Variants in AUTS2 observed in about 807,000 individuals in gnomAD.
The protein encoded by AUTS2 is autism susceptibility gene 2 protein.
A neutral mutation model predicts 112.4 loss-of-function variants in AUTS2; 17 were observed. The ratio of observed to expected loss-of-function variants is 0.15; its 90% CI spans 0.10 to 0.23. The LOEUF is 0.23. Among genes scored for constraint, AUTS2 ranks in the 10% least tolerant of loss-of-function variants. The probability of loss-of-function intolerance (pLI) is 1.00; values close to 1 mark genes in which losing one functional copy is unlikely to be tolerated. For synonymous variants in AUTS2, 751 were observed against 702.7 expected (o/e 1.07, Z -1.09); for missense variants, 1,510 against 1,701.6 (o/e 0.89, Z 1.98).
intron 2 of AUTS2, among the ~76,000 whole-genome samples, chr7:70,064,196 A>C (rs190414481): frequency 2.6e-4 from 39 of 152,256 alleles, no homozygotes; most frequent in African/African-American, 9.4e-4. Flanking sequence ...GCTCGTGTAC[A>C]CCATGCTGAT....
chr7:70,329,093 A>T (rs536177758), intron 4 of AUTS2, among the ~76,000 whole-genome samples: 1 of 152,120 alleles, frequency 6.6e-6, no homozygotes, highest in South Asian at 2.1e-4. Flanking sequence ...TCAGCCATGT[A>T]TGTGTGTATA....
intron 4 of AUTS2, among the ~76,000 whole-genome samples, chr7:70,295,856 G>A (rs1027431867): frequency 3.3e-5 from 5 of 152,150 alleles, no homozygotes; most frequent in Non-Finnish European, 7.4e-5. Context: ...TCATAGTATA[G>A]ATTTGAAGAG....
At chr7:70,550,636 G>C (rs1015198873) in intron 5 of AUTS2, among the ~76,000 whole-genome samples, 2 of 152,158 alleles carry the variant, frequency 1.3e-5, no homozygotes, top group African/African-American at 4.8e-5. Flanking sequence ...GGAATTTACA[G>C]ATAAACTAGG....
intron 5 of AUTS2, among the ~76,000 whole-genome samples, chr7:70,488,207 C>T (rs1798092234): frequency 6.6e-6 from 1 of 152,194 alleles, no homozygotes; most frequent in South Asian, 2.1e-4. Flanking sequence ...CATAAGCCCT[C>T]GTGCCCGGCG....
At chr7:70,733,506 A>C (rs1585592489) in intron 6 of AUTS2, among the ~76,000 whole-genome samples, 1 of 151,636 alleles carries the variant, frequency 6.6e-6, no homozygotes, top group African/African-American at 2.4e-5. Flanking sequence ...CTTTATTCCC[A>C]CCTCTTCCAC....
At chr7:69,938,557 G>A (rs751371182) in intron 2 of AUTS2, among the ~76,000 whole-genome samples, 1 of 152,166 alleles carries the variant, frequency 6.6e-6, no homozygotes, top group African/African-American at 2.4e-5. Context: ...ACCTTGCCCT[G>A]AACCCAAAAC....
chr7:70,641,444 C>T (rs1245648692), intron 5 of AUTS2, among the ~76,000 whole-genome samples: 2 of 151,984 alleles, frequency 1.3e-5, no homozygotes, highest in East Asian at 1.9e-4. Context: ...CCCAGCTACT[C>T]GGGAGACTGA....
chr7:70,705,656 T>C (rs1252624921), intron 6 of AUTS2, among the ~76,000 whole-genome samples: 2 of 152,154 alleles, frequency 1.3e-5, no homozygotes, highest in Non-Finnish European at 2.9e-5. Flanking sequence ...CCCACAGACT[T>C]GACTCTTGTC....
chr7:70,724,591 G>A lies in AUTS2; in HGVS notation c.742+25971G>A, dbSNP rs28432049. Among the ~76,000 whole-genome samples, 1,373 of 151,954 alleles carry A rather than the reference G, an allele frequency of 9.0e-3. 16 individuals are homozygous for A. Among genetic ancestry groups the A allele is most frequent in the African/African-American group, 0.032 (1,308 of 41,474 alleles). ...CTCCCGAGTAGCTGTGACTACAGGC[G>A]TCTACCACCACGCCCGGCTAATTTT... On this transcript the variant is annotated intron_variant, in intron 6 of 18. Transcript: ENST00000342771.
intron 4 of AUTS2, among the ~76,000 whole-genome samples, chr7:70,152,135 T>C (rs1562742418): frequency 1.3e-5 from 2 of 152,014 alleles, no homozygotes; most frequent in African/African-American, 4.8e-5. Context: ...CTAGCCAAAA[T>C]GAAACATGAA....
intron 4 of AUTS2, among the ~76,000 whole-genome samples, chr7:70,306,375 C>T (rs927348680): frequency 3.3e-5 from 5 of 152,200 alleles, no homozygotes; most frequent in Non-Finnish European, 7.3e-5. Context: ...ATTCTTGGAG[C>T]ATGTGCTGTG....
intron 1 of AUTS2, among the ~76,000 whole-genome samples, chr7:69,681,918 A>G (rs566696422): frequency 1.8e-4 from 27 of 152,302 alleles, no homozygotes; most frequent in Middle Eastern, 6.8e-3. Flanking sequence ...GTGAGTCTGA[A>G]TGCCTGGGTT....
intron 4 of AUTS2, among the ~76,000 whole-genome samples, chr7:70,245,567 A>G (rs561991802): frequency 4.9e-4 from 75 of 152,316 alleles, no homozygotes; most frequent in African/African-American, 1.7e-3. Context: ...GTTGTTGCAC[A>G]TAGCTGTAAT....
chr7:70,018,125 T>C lies in AUTS2; in HGVS notation c.523-100007T>C, dbSNP rs79836830. On this transcript the variant is annotated intron_variant, in intron 2 of 18. Coordinates refer to ENST00000342771, the MANE Select transcript of AUTS2 (RefSeq NM_015570.4). ...AGAAATGCAAATTACTTTCCCACTT[T>C]AGTTGGCATATTTGAAAATAGTTTT... is the stretch of plus-strand genomic sequence containing the variant. 5.9e-3 allele frequency among the ~76,000 whole-genome samples: 894 copies of C among 152,278 alleles called. 2 individuals are homozygous for C. Among genetic ancestry groups the C allele is most frequent in the Middle Eastern group, 0.014 (4 of 294 alleles).
chr7:69,808,932 A>C (rs1790424383), intron 1 of AUTS2, among the ~76,000 whole-genome samples: 1 of 152,188 alleles, frequency 6.6e-6, no homozygotes, highest in South Asian at 2.1e-4. Context: ...AGCCCTTCTA[A>C]CCTGGACATC....
chr7:69,823,432 G>T (rs1276896207), intron 1 of AUTS2, among the ~76,000 whole-genome samples: 1 of 152,164 alleles, frequency 6.6e-6, no homozygotes, highest in Admixed American at 6.5e-5. Flanking sequence ...GAGCCTGCTT[G>T]TTGAACTGTA....
rs370246451 is a variant in AUTS2, at chr7:70,064,174, CCT to C, written c.523-53955_523-53954del. 4.6e-5 allele frequency among the ~76,000 whole-genome samples: 7 copies of C among 152,276 alleles called. No individual in the cohort carries two copies. The East Asian group carries it at 1.4e-3, about 29-fold the overall frequency. ...CTTTTAGTGAGTCCCGCTTGTCTGT[CCT>C]CTGTCAAGGGCTCGTGTACACCATG... On this transcript the variant is annotated intron_variant, in intron 2 of 18. Coordinates refer to ENST00000342771, the MANE Select transcript of AUTS2 (RefSeq NM_015570.4).
In AUTS2 at chr7:70,163,250, C is replaced by T. The variant is rs945660576; in HGVS notation, c.660+28679C>T. Among the ~76,000 whole-genome samples, 6 of 148,638 alleles carry T rather than the reference C, an allele frequency of 4.0e-5. No homozygotes were observed. In the South Asian group the frequency reaches 1.3e-3, roughly 32 times the overall value. On this transcript the variant is annotated intron_variant, in intron 4 of 18. Coordinates refer to ENST00000342771, the MANE Select transcript of AUTS2 (RefSeq NM_015570.4). Reference sequence around the variant, plus strand: ...GTTCCCAGAGCTCAGAGAGTTCATACGAGTAAGTCTAGCATGTAGAAACTA... The same window carrying T: ...GTTCCCAGAGCTCAGAGAGTTCATATGAGTAAGTCTAGCATGTAGAAACTA...
chr7:70,757,693 A>G, intron 6 of AUTS2, among the ~76,000 whole-genome samples: 1 of 151,178 alleles, frequency 6.6e-6, no homozygotes, highest in South Asian at 2.1e-4. Flanking sequence ...TTTTTTATGC[A>G]TATATACACA....
Sources: gnomAD v4.1 joint callset for allele counts (sites outside exome capture counted in the v4.1 genomes callset) on GRCh38, gnomAD v4.1.1 for gene constraint, MANE v1.5 for transcripts, NCBI Gene and HGNC (gene_info 2026-07-23, HGNC 2026-07-21) for gene names.